The following EVI5 variants were observed in gnomAD, a reference collection of about 807,000 sequenced individuals.
EVI5 encodes ecotropic viral integration site 5.
Under a neutral mutation model 112.0 loss-of-function variants are expected in EVI5, and 73 were observed. The observed-to-expected ratio is 0.65, with a 90% CI of 0.54 to 0.79. The LOEUF is 0.79. Among genes scored for constraint, EVI5 ranks in the 30% least tolerant of loss-of-function variants. EVI5 has a pLI of 0.00. For missense variants in EVI5, 900 were observed against 968.8 expected (o/e 0.93, Z 0.94); for synonymous variants, 305 against 319.9 (o/e 0.95, Z 0.50).
At chr1:92,595,167 A>C (rs1457610933) in intron 18 of EVI5, among the ~76,000 whole-genome samples, 2 of 152,024 alleles carry the variant, frequency 1.3e-5, no homozygotes, top group Non-Finnish European at 2.9e-5. Flanking sequence ...AACCAACCCA[A>C]ATGTCCAACA....
chr1:92,782,304 C>G (rs1212684717), intron 1 of EVI5, among the ~76,000 whole-genome samples: 2 of 150,966 alleles, frequency 1.3e-5, no homozygotes, highest in Non-Finnish European at 3.0e-5. Flanking sequence ...TTAAGAATCT[C>G]CAGGCATGAA....
chr1:92,583,730 TCTC>T (rs1398504346), intron 18 of EVI5, among the ~76,000 whole-genome samples: 2 of 149,186 alleles, frequency 1.3e-5, no homozygotes, highest in Non-Finnish European at 3.0e-5. Context: ...TCTCTCTCTC[TCTC>T]TTTTTTTTTT....
chr1:92,648,648 T>C (rs1311469789), intron 13 of EVI5, among the ~76,000 whole-genome samples: 2 of 152,252 alleles, frequency 1.3e-5, no homozygotes, highest in African/African-American at 2.4e-5. Flanking sequence ...CTTTTGGGTC[T>C]GGCTTTTTTC....
intron 1 of EVI5, among the ~76,000 whole-genome samples, chr1:92,760,074 ATTAACT>A (rs1371411341): frequency 6.6e-6 from 1 of 152,210 alleles, no homozygotes; most frequent in African/African-American, 2.4e-5. Flanking sequence ...AATATAAGAC[ATTAACT>A]TTGTGATTTT....
intron 1 of EVI5, among the ~76,000 whole-genome samples, chr1:92,775,046 A>G (rs190194195): frequency 9.2e-5 from 14 of 152,346 alleles, no homozygotes; most frequent in Non-Finnish European, 1.9e-4. Flanking sequence ...CATCTGATTG[A>G]TATCTTGAAT....
intron 13 of EVI5, among the ~76,000 whole-genome samples, chr1:92,642,466 A>G (rs1034960108): frequency 6.6e-6 from 1 of 151,980 alleles, no homozygotes; most frequent in African/African-American, 2.4e-5. Flanking sequence ...GTGTAAAGTC[A>G]TCTATCTATC....
intron 1 of EVI5, among the ~76,000 whole-genome samples, chr1:92,763,635 T>A (rs928623279): frequency 1.1e-4 from 16 of 152,040 alleles, no homozygotes; most frequent in African/African-American, 3.9e-4. Flanking sequence ...TTAATTAATT[T>A]AATTTAAACA....
At chr1:92,606,924 C>CACACACCCA (rs1557886813) in intron 17 of EVI5, among the ~76,000 whole-genome samples, 12 of 91,402 alleles carry the variant, frequency 1.3e-4, no homozygotes, top group African/African-American at 3.6e-4. Flanking sequence ...ACACACACAC[C>CACACACCCA]CCCCCAAACC....
intron 19 of EVI5, among the ~76,000 whole-genome samples, chr1:92,535,821 A>C (rs1184634580): frequency 2.0e-5 from 3 of 152,102 alleles, no homozygotes; most frequent in Non-Finnish European, 4.4e-5. Flanking sequence ...TGACGGGTTG[A>C]TGGGTGCAGC....
At chr1:92,589,620 G>C (rs1673428994) in intron 18 of EVI5, among the ~76,000 whole-genome samples, 1 of 152,224 alleles carries the variant, frequency 6.6e-6, no homozygotes, top group African/African-American at 2.4e-5. Context: ...CAGCCGAGAA[G>C]CTCCAACTGG....
At chr1:92,574,771 T>A (rs892292663) in intron 18 of EVI5, among the ~76,000 whole-genome samples, 1 of 152,162 alleles carries the variant, frequency 6.6e-6, no homozygotes, top group Non-Finnish European at 1.5e-5. Context: ...TTTTAAAACA[T>A]ACAATAAACT....
chr1:92,761,259 C>T (rs558000967), intron 1 of EVI5, among the ~76,000 whole-genome samples: 4 of 152,008 alleles, frequency 2.6e-5, no homozygotes, highest in Non-Finnish European at 5.9e-5. Context: ...GTAATTATAT[C>T]TCAGGGATCA....
intron 1 of EVI5, among the ~76,000 whole-genome samples, chr1:92,783,947 T>A (rs1437741637): frequency 1.3e-5 from 2 of 152,090 alleles, no homozygotes; most frequent in Non-Finnish European, 2.9e-5. Context: ...TACCAGCAGA[T>A]CACTTTTCTT....
At chr1:92,734,348 C>T (rs1677001052) in intron 2 of EVI5, among the ~76,000 whole-genome samples, 1 of 152,152 alleles carries the variant, frequency 6.6e-6, no homozygotes, top group South Asian at 2.1e-4. Context: ...TGTATAAATA[C>T]CAAAGCAAAA....
intron 9 of EVI5, among the ~76,000 whole-genome samples, chr1:92,690,577 T>G (rs1669331423): frequency 6.6e-6 from 1 of 152,016 alleles, no homozygotes; most frequent in Admixed American, 6.6e-5. Context: ...CTTGAATTCC[T>G]GGCCTCAAGT....
chr1:92,677,798 T>G (rs958317329), intron 9 of EVI5, among the ~76,000 whole-genome samples: 2 of 152,178 alleles, frequency 1.3e-5, no homozygotes, highest in Admixed American at 6.5e-5. Context: ...TCCTAAAATA[T>G]TTAGTAAGTG....
upstream of EVI5, among the ~76,000 whole-genome samples, chr1:92,785,710 C>T (rs1195375134): frequency 6.6e-6 from 1 of 152,192 alleles, no homozygotes; most frequent in African/African-American, 2.4e-5. Flanking sequence ...GGGACGGAAA[C>T]AGCCTATTAA....
chr1:92,594,327 G>A (rs74324035), intron 18 of EVI5, among the ~76,000 whole-genome samples: 139,911 of 151,872 alleles, frequency 0.92, 64,535 homozygotes, highest in East Asian at 0.97. Flanking sequence ...AGGATTCCCT[G>A]TTTAATAAAT....
intron 1 of EVI5, among the ~76,000 whole-genome samples, chr1:92,782,553 C>G (rs1319586084): frequency 2.6e-5 from 4 of 152,128 alleles, no homozygotes; most frequent in South Asian, 4.1e-4. Flanking sequence ...TGAAACCACA[C>G]TGATATATTA....
Sources: gnomAD v4.1 joint callset for allele counts (sites outside exome capture counted in the v4.1 genomes callset) on GRCh38, gnomAD v4.1.1 for gene constraint, MANE v1.5 for transcripts, NCBI Gene and HGNC (gene_info 2026-07-23, HGNC 2026-07-21) for gene names.